ATG7: variants seen among roughly 807,000 people sequenced by gnomAD.
The protein encoded by ATG7 is ubiquitin-like modifier-activating enzyme ATG7.
In ATG7, 70 loss-of-function variants were observed where a neutral mutation model predicts 82.4. That is an observed-to-expected ratio of 0.85 (90% CI 0.70 to 1.04). ATG7 has a LOEUF of 1.04. Ranked by LOEUF, ATG7 falls within the 50% of genes least tolerant of loss-of-function variation. ATG7 has a pLI of 0.00. For synonymous variants in ATG7, 287 were observed against 313.0 expected (o/e 0.92, Z 0.88); for missense variants, 792 against 864.3 (o/e 0.92, Z 1.05).
At chr3:11,337,488 C>CTCTCTCTA (rs1553618168) in intron 11 of ATG7, among the ~76,000 whole-genome samples, 2 of 141,130 alleles carry the variant, frequency 1.4e-5, no homozygotes, top group African/African-American at 6.0e-5. Flanking sequence ...CTCTCTCTCT[C>CTCTCTCTA]TATATATATA....
At chr3:11,518,466 G>C (rs376119720) in intron 20 of ATG7, among the ~76,000 whole-genome samples, 11 of 151,568 alleles carry the variant, frequency 7.3e-5, no homozygotes, top group African/African-American at 2.7e-4. Context: ...AGAATCTCTT[G>C]AACCCAGAAG....
At chr3:11,378,685 C>CAAAAAAAAAAAAAAAAAA (rs368506515) in intron 18 of ATG7, among the ~76,000 whole-genome samples, 1 of 78,936 alleles carries the variant, frequency 1.3e-5, no homozygotes, top group African/African-American at 7.0e-5. Context: ...ACTCCATCTC[C>CAAAAAAAAAAAAAAAAAA]AAAAAAAAAA....
At chr3:11,566,778 T>G in the ATG7 span, among the ~76,000 whole-genome samples, 1 of 152,148 alleles carries the variant, frequency 6.6e-6, no homozygotes, top group Non-Finnish European at 1.5e-5. Flanking sequence ...CCACCGTCAA[T>G]GATCTCTTCG....
intron 20 of ATG7, among the ~76,000 whole-genome samples, chr3:11,524,234 T>C (rs1234174928): frequency 2.0e-5 from 3 of 152,200 alleles, no homozygotes; most frequent in African/African-American, 4.8e-5. Flanking sequence ...TAAGCTGAAG[T>C]TGAAACACAG....
chr3:11,384,537 A>G (rs1376455027), intron 19 of ATG7, among the ~76,000 whole-genome samples: 1 of 152,234 alleles, frequency 6.6e-6, no homozygotes, highest in Non-Finnish European at 1.5e-5. Flanking sequence ...GGTAAGGGTT[A>G]GGTAGGAATA....
intron 1 of ATG7, among the ~76,000 whole-genome samples, chr3:11,276,492 A>G (rs1280027287): frequency 2.6e-5 from 4 of 152,032 alleles, no homozygotes; most frequent in Non-Finnish European, 5.9e-5. Flanking sequence ...CACCTCTTTT[A>G]CCCAGCCACC....
chr3:11,523,122 C>T (rs1248376488), intron 20 of ATG7, among the ~76,000 whole-genome samples: 1 of 152,118 alleles, frequency 6.6e-6, no homozygotes, highest in Non-Finnish European at 1.5e-5. Context: ...GTATTATAGC[C>T]CAATCCAAGT....
chr3:11,411,947 T>G (rs370372706), intron 19 of ATG7, among the ~76,000 whole-genome samples: 111 of 151,540 alleles, frequency 7.3e-4, no homozygotes, highest in African/African-American at 2.6e-3. Context: ...ATATCCAGTT[T>G]TCCCAGTATC....
intron 20 of ATG7, among the ~76,000 whole-genome samples, chr3:11,442,979 A>G (rs1313474247): frequency 2.6e-5 from 4 of 152,148 alleles, no homozygotes; most frequent in African/African-American, 9.7e-5. Flanking sequence ...GTGTAAGAAT[A>G]TGTATTATTG....
intron 5 of ATG7, among the ~76,000 whole-genome samples, chr3:11,299,678 T>C (rs1283730992): frequency 6.6e-6 from 1 of 152,168 alleles, no homozygotes; most frequent in African/African-American, 2.4e-5. Flanking sequence ...ACATAGATAA[T>C]ATCCCTCTTG....
At chr3:11,560,986 G>A (rs1186876725), downstream of ATG7, among the ~76,000 whole-genome samples, 1 of 152,058 alleles carries the variant, frequency 6.6e-6, no homozygotes, top group African/African-American at 2.4e-5. Flanking sequence ...CAGGGGTCAA[G>A]CAGCAGCAAG....
At chr3:11,475,909 C>CACACACACACACACA (rs1479988312) in intron 20 of ATG7, among the ~76,000 whole-genome samples, 3,870 of 104,348 alleles carry the variant, frequency 0.037, 90 homozygotes, top group East Asian at 0.057. Flanking sequence ...ACACACACAC[C>CACACACACACACACA]CCCTCCCAGA....
intron 9 of ATG7, among the ~76,000 whole-genome samples, chr3:11,319,539 C>G (rs1949928160): frequency 6.6e-6 from 1 of 152,212 alleles, no homozygotes; most frequent in South Asian, 2.1e-4. Flanking sequence ...CCTACAACTC[C>G]AGAAACCATT....
chr3:11,553,604 G>A (rs1326989179), intron 20 of ATG7, among the ~76,000 whole-genome samples: 1 of 152,130 alleles, frequency 6.6e-6, no homozygotes, highest in Non-Finnish European at 1.5e-5. Flanking sequence ...CTGACCCAGA[G>A]ATAGGGACAC....
intron 7 of ATG7, among the ~76,000 whole-genome samples, chr3:11,311,325 C>T (rs1034811501): frequency 6.6e-5 from 10 of 151,914 alleles, no homozygotes; most frequent in African/African-American, 2.4e-4. Flanking sequence ...GAGGTCCGGC[C>T]GGGTGCAGTG....
chr3:11,569,726 G>C, the ATG7 span, among the ~76,000 whole-genome samples: 6 of 152,174 alleles, frequency 3.9e-5, no homozygotes, highest in African/African-American at 1.4e-4. Flanking sequence ...ACATCATAAT[G>C]AGACTGCTGG....
At chr3:11,394,485 T>G (rs919007585) in intron 19 of ATG7, among the ~76,000 whole-genome samples, 10 of 152,220 alleles carry the variant, frequency 6.6e-5, no homozygotes, top group African/African-American at 2.2e-4. Flanking sequence ...GGCAATTTTT[T>G]GTTTTATGGC....
At chr3:11,296,872 A>C (rs1323624618) in intron 3 of ATG7, among the ~76,000 whole-genome samples, 1 of 151,996 alleles carries the variant, frequency 6.6e-6, no homozygotes, top group African/African-American at 2.4e-5. Context: ...CATTCATCCC[A>C]TTCTTCTTGA....
At chr3:11,323,963 A>C (rs1287511414) in intron 9 of ATG7, among the ~76,000 whole-genome samples, 4 of 152,210 alleles carry the variant, frequency 2.6e-5, no homozygotes, top group Non-Finnish European at 5.9e-5. Context: ...CTTGCTGAAG[A>C]CAAGCAAGTT....
Sources: allele counts gnomAD v4.1 joint callset (sites outside exome capture counted in the v4.1 genomes callset), GRCh38; gene constraint gnomAD v4.1.1; transcripts MANE v1.5; gene names NCBI Gene and HGNC (gene_info 2026-07-23, HGNC 2026-07-21).